Variants in C19orf38 observed in about 807,000 individuals in gnomAD.
C19orf38 encodes protein HIDE1.
In C19orf38, 14 loss-of-function variants were observed where a neutral mutation model predicts 26.6. The observed-to-expected ratio is 0.53, with a 90% CI of 0.35 to 0.82. The LOEUF (loss-of-function observed/expected upper bound fraction) is 0.82. Ranked by LOEUF, C19orf38 falls within the 40% of genes least tolerant of loss-of-function variation. The pLI is 0.01. For missense variants in C19orf38, 261 were observed against 299.5 expected, an observed-to-expected ratio of 0.87 and a Z score of 0.95; for synonymous variants, 132 against 128.5, an observed-to-expected ratio of 1.03 and a Z score of -0.18.
chr19:10,866,633 A>T (rs577705740), intron 6 of C19orf38, among the ~76,000 whole-genome samples: 1 of 151,140 alleles, frequency 6.6e-6, no homozygotes, highest in Non-Finnish European at 1.5e-5. Flanking sequence ...TTACAGGCAC[A>T]TGCCACCGCG....
At chr19:10,862,208 T>TG (rs2073705780) in intron 5 of C19orf38, among the ~76,000 whole-genome samples, 1 of 147,604 alleles carries the variant, frequency 6.8e-6, no homozygotes, top group African/African-American at 2.5e-5. Flanking sequence ...CCTGTTTTTT[T>TG]TTTTTTTTTT....
At chr19:10,850,229 C>T in intron 1 of C19orf38, 30 bp from the exon 2 acceptor site, 1 of 1,520,408 alleles carries the variant, frequency 6.6e-7, no homozygotes, top group South Asian at 1.2e-5. Flanking sequence ...TCTCACCACG[C>T]ACCCACCCAC....
upstream of C19orf38, chr19:10,848,395 C>G: frequency 8.5e-7 from 1 of 1,183,336 alleles, no homozygotes; most frequent in Non-Finnish European, 1.2e-6. Context: ...AAACTCTCAG[C>G]TCGAGAATCA....
At chr19:10,867,905 G>A (rs183559185) in intron 6 of C19orf38, among the ~76,000 whole-genome samples, 32 of 151,786 alleles carry the variant, frequency 2.1e-4, no homozygotes, top group African/African-American at 5.8e-4. Flanking sequence ...CGCCCGCCTC[G>A]ACCTCCCAAA....
At chr19:10,860,534 C>CAAAAA (rs900601654) in intron 5 of C19orf38, among the ~76,000 whole-genome samples, 4 of 21,840 alleles carry the variant, frequency 1.8e-4, no homozygotes, top group Non-Finnish European at 3.0e-4. Flanking sequence ...GACTCCATCT[C>CAAAAA]AAAAAAAAAA....
chr19:10,863,319 G>A (rs767328311), intron 6 of C19orf38, 112 bp downstream of exon 6: 19 of 1,221,066 alleles, frequency 1.6e-5, no homozygotes, highest in East Asian at 5.1e-5. Context: ...TCTAAGCTGC[G>A]GGGGGGCTAG....
At chr19:10,862,233 C>G (rs2073706204) in intron 5 of C19orf38, among the ~76,000 whole-genome samples, 1 of 132,416 alleles carries the variant, frequency 7.6e-6, no homozygotes, top group Middle Eastern at 4.1e-3. Context: ...GAGACAGAGT[C>G]TTGCTCTGTC....
At chr19:10,857,296 A>G (rs1599666025) in intron 3 of C19orf38, among the ~76,000 whole-genome samples, 1 of 140,476 alleles carries the variant, frequency 7.1e-6, no homozygotes, top group Non-Finnish European at 1.5e-5. Flanking sequence ...GTGTATGTAT[A>G]TATATATGTG....
At chr19:10,842,967 C>G (rs963306145) in intron 1 of C19orf38, among the ~76,000 whole-genome samples, 1 of 152,118 alleles carries the variant, frequency 6.6e-6, no homozygotes, top group Non-Finnish European at 1.5e-5. Context: ...TGAGGAAATG[C>G]TGACAATTGA....
chr19:10,869,167 T>C, intron 6 of C19orf38, 51 bp from the exon 7 acceptor site: 2 of 1,547,564 alleles, frequency 1.3e-6, no homozygotes, highest in Non-Finnish European at 1.7e-6. Flanking sequence ...AAACCCTAGA[T>C]CCTGAAACCC....
At chr19:10,844,993 C>CAAAAAAAAAAAAAAAA (rs57500129), upstream of C19orf38, among the ~76,000 whole-genome samples, 56 of 95,788 alleles carry the variant, frequency 5.8e-4, 1 homozygote, top group South Asian at 1.3e-3. Flanking sequence ...CCTTTCTCTA[C>CAAAAAAAAAAAAAAAA]AAAAAAAAAA....
intron 1 of C19orf38, chr19:10,842,270 T>A: frequency 9.0e-7 from 1 of 1,111,658 alleles, no homozygotes. Context: ...AATACTTTTT[T>A]TTTTTTTTGA....
chr19:10,862,184 G>A (rs1332776008), intron 5 of C19orf38, among the ~76,000 whole-genome samples: 1 of 149,476 alleles, frequency 6.7e-6, no homozygotes, highest in Non-Finnish European at 1.5e-5. Context: ...ACAGGCATGA[G>A]CCACCGCGCC....
chr19:10,856,191 A>G (rs980618171), intron 2 of C19orf38, 74 bp from the exon 3 acceptor site: 1 of 1,188,422 alleles, frequency 8.4e-7, no homozygotes, highest in Non-Finnish European at 1.2e-6. Context: ...GTTATGGGGT[A>G]AGGGCTGGCT....
chr19:10,840,699 A>C (rs1307727216), intron 1 of C19orf38, among the ~76,000 whole-genome samples: 1 of 152,018 alleles, frequency 6.6e-6, no homozygotes, highest in African/African-American at 2.4e-5. Context: ...TTGTATTTTT[A>C]GTAGAGACGT....
chr19:10,846,644 T>A (rs1226652949), upstream of C19orf38, among the ~76,000 whole-genome samples: 2 of 152,178 alleles, frequency 1.3e-5, no homozygotes, highest in African/African-American at 4.8e-5. Context: ...ACAAGGAGAC[T>A]TCACTAATTT....
chr19:10,863,139 A>T (rs376726487), intron 5 of C19orf38, 31 bp from the exon 6 acceptor site: 1 of 1,549,198 alleles, frequency 6.5e-7, no homozygotes, highest in East Asian at 2.4e-5. Flanking sequence ...CTGGCCCCCA[A>T]TCCTGGGTTT....
At chr19:10,844,179 G>T (rs1347722790), upstream of C19orf38, among the ~76,000 whole-genome samples, 1 of 151,402 alleles carries the variant, frequency 6.6e-6, no homozygotes, top group East Asian at 1.9e-4. Flanking sequence ...GGCTGAGGTG[G>T]GTAGATTACG....
At chr19:10,860,096 T>G in intron 5 of C19orf38, 138 bp downstream of exon 5, 1 of 829,420 alleles carries the variant, frequency 1.2e-6, no homozygotes. Context: ...TCGCCACCTC[T>G]TCCCCTGGGT....
Sources: gnomAD v4.1 joint callset for allele counts (sites outside exome capture counted in the v4.1 genomes callset) on GRCh38, gnomAD v4.1.1 for gene constraint, MANE v1.5 for transcripts, NCBI Gene and HGNC (gene_info 2026-07-23, HGNC 2026-07-21) for gene names.